Variants in ANO3 observed in about 807,000 individuals in gnomAD.
The protein encoded by ANO3 is anoctamin-3.
Under a neutral mutation model 144.8 loss-of-function variants are expected in ANO3, and 99 were observed. That is an observed-to-expected ratio of 0.68 (90% CI 0.58 to 0.81). ANO3 has a LOEUF of 0.81. Ranked by LOEUF, ANO3 falls within the 30% of genes least tolerant of loss-of-function variation. The probability of loss-of-function intolerance (pLI) is 0.00; values close to 1 mark genes in which losing one functional copy is unlikely to be tolerated. For missense variants in ANO3, 905 were observed against 1,202.2 expected (o/e 0.75, Z 3.66); for synonymous variants, 414 against 392.6 (o/e 1.05, Z -0.64).
chr11:26,411,425 T>C (rs1158987953), intron 1 of ANO3, among the ~76,000 whole-genome samples: 1 of 151,998 alleles, frequency 6.6e-6, no homozygotes, highest in Non-Finnish European at 1.5e-5. Flanking sequence ...AGTAATTAAT[T>C]TTCTGAAGGC....
intron 1 of ANO3, among the ~76,000 whole-genome samples, chr11:26,357,250 A>G (rs1855806930): frequency 6.6e-6 from 1 of 152,208 alleles, no homozygotes; most frequent in African/African-American, 2.4e-5. Context: ...TGGGCATGGA[A>G]TGACTGGATT....
At chr11:26,336,545 C>T (rs1462213971) in intron 1 of ANO3, among the ~76,000 whole-genome samples, 1 of 152,134 alleles carries the variant, frequency 6.6e-6, no homozygotes, top group African/African-American at 2.4e-5. Context: ...GTTGCTATTG[C>T]AAGTGCACAC....
At chr11:26,284,884 G>A (rs11824253) in intron 1 of ANO3, among the ~76,000 whole-genome samples, 6,051 of 152,270 alleles carry the variant, frequency 0.04, 402 homozygotes, top group African/African-American at 0.14. Context: ...CAGCCTGGGC[G>A]ACAGAGCGAG....
At chr11:26,534,332 T>A (rs1849448994) in intron 8 of ANO3, 124 bp from the exon 9 acceptor site, 2 of 552,394 alleles carry the variant, frequency 3.6e-6, no homozygotes, top group Admixed American at 3.3e-5. Flanking sequence ...AATTTTTTTT[T>A]AAAGAGGATG....
intron 17 of ANO3, among the ~76,000 whole-genome samples, chr11:26,618,267 A>G (rs1386270860): frequency 6.6e-6 from 1 of 152,082 alleles, no homozygotes; most frequent in South Asian, 2.1e-4. Context: ...GTTTCTGTAC[A>G]TAGCCAGAAA....
chr11:26,527,581 G>A lies in ANO3; in HGVS notation c.737+1902G>A, dbSNP rs143041490. ...AAGTGGAAAATTGAAATCAAACGTGGCCATTTAGTTTCACTTGTGCTTCTC... is the reference window on the plus strand; with the variant it reads ...AAGTGGAAAATTGAAATCAAACGTGACCATTTAGTTTCACTTGTGCTTCTC... On this transcript the variant is annotated intron_variant, in intron 7 of 26. Coordinates refer to ENST00000256737, the MANE Select transcript of ANO3 (RefSeq NM_031418.4). 2.6e-5 allele frequency among the ~76,000 whole-genome samples: 4 copies of A among 152,088 alleles called. No individual in the cohort carries two copies. The East Asian group carries it at 7.7e-4, about 29-fold the overall frequency.
intron 1 of ANO3, among the ~76,000 whole-genome samples, chr11:26,262,838 G>C (rs1853221699): frequency 6.6e-6 from 1 of 151,946 alleles, no homozygotes; most frequent in African/African-American, 2.4e-5. Context: ...ATAAACACTA[G>C]ACAAGAGCTG....
intron 1 of ANO3, among the ~76,000 whole-genome samples, chr11:26,380,719 C>T (rs898385819): frequency 5.9e-5 from 9 of 152,148 alleles, no homozygotes; most frequent in African/African-American, 4.8e-5. Flanking sequence ...AGAAGTCTCA[C>T]GCCTGTAATC....
At chr11:26,566,804 TC>T (rs1850605205) in intron 14 of ANO3, among the ~76,000 whole-genome samples, 2 of 65,900 alleles carry the variant, frequency 3.0e-5, no homozygotes, top group Non-Finnish European at 6.9e-5. Flanking sequence ...AATTCTGGCT[TC>T]TGACACAAAT....
chr11:26,462,502 T>C (rs1276417023), intron 3 of ANO3, among the ~76,000 whole-genome samples: 1 of 151,874 alleles, frequency 6.6e-6, no homozygotes. Context: ...CAGTGTTCTC[T>C]GTTCTTTCCT....
chr11:26,606,026 G>C (rs1851926446), intron 17 of ANO3, among the ~76,000 whole-genome samples: 1 of 152,104 alleles, frequency 6.6e-6, no homozygotes. Context: ...AAATTGTGAT[G>C]TTAGGGTGCT....
rs78523551 is a variant in ANO3 at position 26,536,454 on chromosome 11, C to T, written c.977-952C>T. 6.3e-4 allele frequency among the ~76,000 whole-genome samples: 95 copies of T among 151,964 alleles called. 2 individuals are homozygous for T. The East Asian group carries it at 0.018, about 29-fold the overall frequency. ...ACATTATAAATAATTATAAGGGTAT[C>T]ATTCCCTTTGTAGTAAATACAGAAG... On this transcript the variant is annotated intron_variant, in intron 9 of 26. Coordinates refer to ENST00000256737, the MANE Select transcript of ANO3 (RefSeq NM_031418.4).
chr11:26,231,447 G>A (rs1475206655), intron 1 of ANO3, among the ~76,000 whole-genome samples: 1 of 152,168 alleles, frequency 6.6e-6, no homozygotes, highest in Non-Finnish European at 1.5e-5. Flanking sequence ...GAGAATCACA[G>A]CCTGGGATCT....
At chr11:26,456,023 G>A (rs1859143869) in intron 3 of ANO3, among the ~76,000 whole-genome samples, 1 of 151,434 alleles carries the variant, frequency 6.6e-6, no homozygotes, top group South Asian at 2.1e-4. Context: ...CTAGCCATAT[G>A]TAGAAAGCTG....
At chr11:26,557,443 A>G (rs949067785) in intron 13 of ANO3, among the ~76,000 whole-genome samples, 2 of 149,466 alleles carry the variant, frequency 1.3e-5, no homozygotes, top group Non-Finnish European at 3.0e-5. Context: ...CCTGGGCAAC[A>G]GAGCGAGACT....
chr11:26,554,050 T>C (rs1565099917), intron 13 of ANO3, among the ~76,000 whole-genome samples: 1 of 152,116 alleles, frequency 6.6e-6, no homozygotes, highest in Non-Finnish European at 1.5e-5. Context: ...ATAATGAACA[T>C]ATCCTCTCCA....
chr11:26,454,047 T>A (rs1243126101), intron 3 of ANO3, among the ~76,000 whole-genome samples: 1 of 151,904 alleles, frequency 6.6e-6, no homozygotes. Context: ...AGACACAACA[T>A]ACCAGAATCT....
rs1001120779 is a variant in ANO3 at position 26,212,574 on chromosome 11, A to T, written c.154+23244A>T. 3.3e-5 allele frequency among the ~76,000 whole-genome samples: 5 copies of T among 152,088 alleles called. No individual in the cohort carries two copies. The East Asian group carries it at 9.6e-4, about 29-fold the overall frequency. On this transcript the variant is annotated intron_variant, in intron 1 of 27. Transcript: ENST00000672621. ...TTCTGGACACATACACCCTCCCAAG[A>T]CTAAACCAGGAAGAAGCTGAATCCC...
Position 26,271,574 on chromosome 11 carries a change from T to A in ANO3, c.155-38071T>A, listed in dbSNP as rs80328008. 6.0e-3 allele frequency among the ~76,000 whole-genome samples: 913 copies of A among 152,304 alleles called. 37 individuals are homozygous for A. In the East Asian group the frequency reaches 0.12, roughly 19 times the overall value. On this transcript the variant is annotated intron_variant, in intron 1 of 27. Transcript: ENST00000672621. The stretch of plus-strand genomic sequence containing the variant: ...TTTTATTTAAGCTCTTTCTACACAT[T>A]TTATCACCCTTCATTGTCTTATTGT...
Sources: allele counts gnomAD v4.1 joint callset (sites outside exome capture counted in the v4.1 genomes callset), GRCh38; gene constraint gnomAD v4.1.1; transcripts MANE v1.5; gene names NCBI Gene and HGNC (gene_info 2026-07-23, HGNC 2026-07-21).